Variants in LTBP1 observed in about 807,000 individuals in gnomAD.
LTBP1 encodes latent transforming growth factor beta binding protein 1, also known as latent-transforming growth factor beta-binding protein 1.
Under a neutral mutation model 207.6 loss-of-function variants are expected in LTBP1, and 129 were observed. The observed-to-expected ratio is 0.62, with a 90% CI of 0.54 to 0.72. The LOEUF (loss-of-function observed/expected upper bound fraction) is 0.72, where lower values mean the gene tolerates loss of function less well. LTBP1 is among the 30% of genes least tolerant of loss of function. The pLI is 0.00. For synonymous variants in LTBP1, 963 were observed against 833.7 expected (o/e 1.16, Z -2.67); for missense variants, 2,281 against 2,217.2 (o/e 1.03, Z -0.58).
chr2:33,080,338 GTT>G (rs1246511768), intron 3 of LTBP1, among the ~76,000 whole-genome samples: 1 of 152,116 alleles, frequency 6.6e-6, no homozygotes, highest in Non-Finnish European at 1.5e-5. Flanking sequence ...CAGACCACAT[GTT>G]TTAAACTAGA....
chr2:33,178,707 G>A (rs866594689), intron 5 of LTBP1, among the ~76,000 whole-genome samples: 24 of 152,256 alleles, frequency 1.6e-4, no homozygotes, highest in African/African-American at 5.1e-4. Flanking sequence ...TTGCTTGAAT[G>A]AACTAAACCA....
At chr2:33,108,501 G>A (rs558706472) in intron 3 of LTBP1, among the ~76,000 whole-genome samples, 50 of 152,154 alleles carry the variant, frequency 3.3e-4, no homozygotes, top group African/African-American at 9.9e-4. Context: ...AAAAGGGCCC[G>A]TCCACATGTA....
intron 31 of LTBP1, 83 bp downstream of exon 31, chr2:33,365,586 C>G: frequency 7.2e-7 from 1 of 1,382,652 alleles, no homozygotes; most frequent in Non-Finnish European, 1.0e-6. Flanking sequence ...CATTTCTCTT[C>G]TGTATCTTTG....
At chr2:33,259,565 C>A in intron 12 of LTBP1, 23 bp from the exon 13 acceptor site, 3 of 1,582,870 alleles carry the variant, frequency 1.9e-6, no homozygotes, top group East Asian at 2.2e-5. Context: ...GGTACTAATA[C>A]CCTTTTTCTT....
intron 31 of LTBP1, among the ~76,000 whole-genome samples, chr2:33,378,185 ATGTGTGTGTGTG>A (rs57388002): frequency 9.7e-4 from 128 of 132,034 alleles, no homozygotes; most frequent in East Asian, 5.6e-3. Flanking sequence ...ATATATATAT[ATGTGTGTGTGTG>A]TGTGTGTGTG....
intron 31 of LTBP1, among the ~76,000 whole-genome samples, chr2:33,376,014 C>A (rs974564178): frequency 6.6e-6 from 1 of 151,966 alleles, no homozygotes; most frequent in African/African-American, 2.4e-5. Context: ...TCTCAAAGAA[C>A]GGATTAAACT....
intron 3 of LTBP1, among the ~76,000 whole-genome samples, chr2:33,049,056 C>A (rs2076592257): frequency 6.6e-6 from 1 of 152,142 alleles, no homozygotes; most frequent in East Asian, 1.9e-4. Context: ...AAGAAAGTAA[C>A]CTTTAAAAAA....
chr2:33,262,576 TATACA>T (rs1331286747), intron 13 of LTBP1, 141 bp from the exon 14 acceptor site: 2 of 352,626 alleles, frequency 5.7e-6, no homozygotes, highest in Non-Finnish European at 1.0e-5. Context: ...TTCACACAAT[TATACA>T]TGTAAGGTCC....
intron 10 of LTBP1, among the ~76,000 whole-genome samples, chr2:33,250,324 G>T (rs1159007520): frequency 2.0e-5 from 3 of 152,164 alleles, no homozygotes; most frequent in Non-Finnish European, 2.9e-5. Context: ...GTAAAATTTC[G>T]GTTTGGGAGA....
intron 20 of LTBP1, among the ~76,000 whole-genome samples, chr2:33,295,902 A>G (rs113356651): frequency 6.6e-5 from 10 of 152,264 alleles, no homozygotes; most frequent in African/African-American, 2.2e-4. Context: ...AGGCATCTGG[A>G]TTTGATGCCT....
chr2:33,089,525 A>G (rs1327343860), intron 3 of LTBP1, among the ~76,000 whole-genome samples: 1 of 152,218 alleles, frequency 6.6e-6, no homozygotes, highest in Non-Finnish European at 1.5e-5. Context: ...TGCACAAGAT[A>G]GCCCCCTACA....
Position 33,187,019 on chromosome 2 carries a change from G to C in LTBP1, c.1365G>C (p.Thr455=). Residue 455 remains threonine (T), a synonymous_variant, in exon 6 of 34, where the codon ACG becomes ACC. Coordinates refer to ENST00000404816, the MANE Select transcript of LTBP1 (RefSeq NM_206943.4). ...HSQQPGKALG[T]HVIHSTHTLP... ...AGCAGCCAGGCAAGGCGTTGGGGACGCATGTCATCCATTCAACACATACCT... is the reference window on the plus strand; with the variant it reads ...AGCAGCCAGGCAAGGCGTTGGGGACCCATGTCATCCATTCAACACATACCT... 2 of 1,614,144 alleles carry C rather than the reference G, an allele frequency of 1.2e-6. No homozygotes were observed. Among genetic ancestry groups the C allele is most frequent in the Non-Finnish European group, 1.7e-6 (2 of 1,180,026 alleles).
intron 23 of LTBP1, 46 bp from the exon 24 acceptor site, chr2:33,315,098 G>A (rs753873265): frequency 7.8e-6 from 12 of 1,529,642 alleles, no homozygotes; most frequent in Non-Finnish European, 9.6e-6. Flanking sequence ...ATATGGGAAT[G>A]AAACCGATTT....
chr2:33,237,112 T>G (rs6760864), intron 9 of LTBP1, among the ~76,000 whole-genome samples: 9,255 of 152,200 alleles, frequency 0.061, 599 homozygotes, highest in African/African-American at 0.16. Flanking sequence ...CAATAGTCTT[T>G]GAAGCTGGCC....
intron 5 of LTBP1, among the ~76,000 whole-genome samples, chr2:33,150,384 A>G (rs1028131196): frequency 2.0e-5 from 3 of 152,022 alleles, no homozygotes; most frequent in Non-Finnish European, 4.4e-5. Context: ...TTTTTCCCCA[A>G]TTGTATCATT....
chr2:33,265,726 G>GTTTTATTTTAGATTT (rs1351959276), intron 15 of LTBP1, among the ~76,000 whole-genome samples: 29 of 151,920 alleles, frequency 1.9e-4, no homozygotes, highest in Non-Finnish European at 4.0e-4. Flanking sequence ...AGATTTAAGT[G>GTTTTATTTTAGATTT]TTTTATTTTA....
At chr2:33,222,574 C>G (rs2091183114) in intron 9 of LTBP1, among the ~76,000 whole-genome samples, 1 of 152,178 alleles carries the variant, frequency 6.6e-6, no homozygotes, top group Non-Finnish European at 1.5e-5. Context: ...TGTTGTTGGT[C>G]ATCTCAGGAA....
chr2:33,229,349 C>G (rs1454432272), intron 9 of LTBP1, among the ~76,000 whole-genome samples: 4 of 151,934 alleles, frequency 2.6e-5, no homozygotes, highest in African/African-American at 9.7e-5. Context: ...GTGGTGCATG[C>G]CTGTAATCCC....
At chr2:33,018,771 A>C (rs1320912743) in intron 2 of LTBP1, among the ~76,000 whole-genome samples, 2 of 152,182 alleles carry the variant, frequency 1.3e-5, no homozygotes, top group African/African-American at 4.8e-5. Context: ...ATTTTAGAAC[A>C]AATCGCTGCT....
Sources: allele counts gnomAD v4.1 joint callset (sites outside exome capture counted in the v4.1 genomes callset), GRCh38; gene constraint gnomAD v4.1.1; transcripts MANE v1.5; gene names NCBI Gene and HGNC (gene_info 2026-07-23, HGNC 2026-07-21).